Variants in ZNF821 observed in about 807,000 individuals in gnomAD.
The protein encoded by ZNF821 is zinc finger protein 821.
Under a neutral mutation model 44.3 loss-of-function variants are expected in ZNF821, and 16 were observed. The observed-to-expected ratio is 0.36, with a 90% confidence interval of 0.24 to 0.55. ZNF821 has a LOEUF of 0.55. Ranked by LOEUF, ZNF821 falls within the 20% of genes least tolerant of loss-of-function variation. The pLI is 0.86. For missense variants in ZNF821, 436 were observed against 547.6 expected (o/e 0.80, Z 2.03); for synonymous variants, 204 against 197.6 (o/e 1.03, Z -0.27).
At chr16:71,886,147 A>G (rs981773890), upstream of ZNF821, among the ~76,000 whole-genome samples, 15 of 152,382 alleles carry the variant, frequency 9.8e-5, no homozygotes, top group African/African-American at 3.6e-4. Flanking sequence ...AGATGATAAT[A>G]ATGCTATTCT....
intron 3 of ZNF821, among the ~76,000 whole-genome samples, chr16:71,874,745 C>T (rs1367406410): frequency 3.9e-5 from 6 of 152,154 alleles, no homozygotes; most frequent in African/African-American, 7.2e-5. Context: ...TGAGCCACCA[C>T]GCTAGGCCCC....
intron 2 of ZNF821, chr16:71,881,258 A>G (rs1487535703): frequency 3.9e-5 from 6 of 152,200 alleles, no homozygotes; most frequent in Non-Finnish European, 8.8e-5. Context: ...TATGCCAACT[A>G]ACTCCTCTAT....
rs774606922 is a variant in ZNF821, at chr16:71,860,335, G to A, written c.922C>T (p.Arg308Cys). Residue 308 changes from arginine (R) to cysteine (C), a missense_variant, in exon 8 of 8, where the codon CGC becomes TGC. Physicochemically the swap from Arg to Cys is radical, Grantham distance 180. Around this residue, in one of 5 missense-constraint regions of ZNF821, gnomAD observed 72 missense variants for 133.3 expected, o/e 0.54. Transcript: ENST00000425432. The surrounding 1 kb of genome is among the most constrained non-coding windows in gnomAD (Gnocchi z 7.3). ...CGCTGCTCGTCTGTCTCCTGCATGC[G>A]CTGCAAGCGCTTGGCTTCACGGTCC... ...MRDREAKRLQ[R>C]MQETDEQRAR... 1.2e-6 allele frequency: 2 copies of A among 1,611,832 alleles called. No homozygotes were observed. Among genetic ancestry groups the A allele is most frequent in the South Asian group, 1.1e-5 (1 of 91,066 alleles).
At chr16:71,895,038 G>T (rs1286936271) in exon 1 of ZNF821, 1 of 498,378 alleles carries the variant, frequency 2.0e-6, no homozygotes, top group Non-Finnish European at 3.6e-6. Context: ...AGAGGGACAC[G>T]GAGGCGCTGG....
intron 5 of ZNF821, 77 bp from the exon 6 acceptor site, chr16:71,864,319 T>A: frequency 1.5e-6 from 2 of 1,332,240 alleles, no homozygotes; most frequent in South Asian, 2.4e-5. Flanking sequence ...AAACAGGGTA[T>A]CCTGTTAAAA....
chr16:71,881,875 GC>G (rs2036453252), intron 2 of ZNF821: 1 of 152,382 alleles, frequency 6.6e-6, no homozygotes, highest in Non-Finnish European at 1.5e-5. Context: ...GGAAGCTGAG[GC>G]ATGAGAATCG....
At chr16:71,864,001 C>A in intron 6 of ZNF821, 137 bp downstream of exon 6, 2 of 778,540 alleles carry the variant, frequency 2.6e-6, no homozygotes, top group Non-Finnish European at 4.3e-6. Context: ...CCCAGCCTCC[C>A]TAAGACGAAT....
intron 3 of ZNF821, among the ~76,000 whole-genome samples, chr16:71,870,282 T>C (rs955870381): frequency 1.3e-5 from 2 of 151,550 alleles, no homozygotes; most frequent in African/African-American, 4.9e-5. Context: ...TACATATCCC[T>C]CAAGGAAAGG....
chr16:71,878,113 CTTTTT>C (rs59096817), intron 3 of ZNF821, among the ~76,000 whole-genome samples: 8 of 121,728 alleles, frequency 6.6e-5, no homozygotes, highest in Admixed American at 8.5e-5. Flanking sequence ...AACTATTTGT[CTTTTT>C]TTTTTTTTTT....
chr16:71,877,858 T>C (rs567354920), intron 3 of ZNF821, among the ~76,000 whole-genome samples: 8 of 150,618 alleles, frequency 5.3e-5, no homozygotes, highest in Admixed American at 4.0e-4. Context: ...AGGTCGAGGT[T>C]GCAGTGAGCT....
rs1466826040 is a variant in ZNF821 at position 71,868,048 on chromosome 16, C to T, written c.41-11G>A. 1 of 1,532,850 alleles carries T rather than the reference C, an allele frequency of 6.5e-7. No individual in the cohort carries two copies. The highest frequency in any genetic ancestry group is 2.4e-5 in the East Asian group (1 of 40,872). 95.0% of individuals were successfully genotyped at this position (1,532,850 alleles called of 1,614,324 possible). A position where few individuals can be genotyped will look rare whatever the true frequency, so the allele number is the denominator to read the frequency against. ...CAAATACTTGATCCCCTGGTGGTCA[C>T]AAGGAAAAATAGTCAGGCCACCAGC... On this transcript the variant is annotated splice_polypyrimidine_tract_variant and intron_variant, in intron 3 of 7. Transcript: ENST00000425432.
In ZNF821 at chr16:71,860,760, A is replaced by G. The variant is rs2033763501; in HGVS notation, c.585-88T>C. On this transcript the variant is annotated intron_variant, in intron 7 of 7. Transcript: ENST00000425432. This position sits in a 1 kb window ranked among gnomAD's most constrained non-coding sequence, Gnocchi z 7.3. The stretch of plus-strand genomic sequence containing the variant: ...TGCCTTATTCTTTTCCTATGAGGCC[A>G]GTGGCTCCACGCTCACCACAAGGGG... 1.9e-5 allele frequency: 26 copies of G among 1,367,906 alleles called. No individual in the cohort carries two copies. The highest frequency in any genetic ancestry group is 2.5e-5 in the Non-Finnish European group (25 of 1,010,870). The allele number at this position is 1,367,906 out of a possible 1,614,324, so 84.7% of individuals were successfully genotyped here.
chr16:71,873,527 T>G (rs1355689499), intron 3 of ZNF821, among the ~76,000 whole-genome samples: 2 of 152,190 alleles, frequency 1.3e-5, no homozygotes, highest in Non-Finnish European at 2.9e-5. Flanking sequence ...GAAAGGATCA[T>G]GCCAGTGATT....
upstream of ZNF821, among the ~76,000 whole-genome samples, chr16:71,889,479 C>G (rs2036874483): frequency 6.6e-6 from 1 of 152,056 alleles, no homozygotes; most frequent in Admixed American, 6.6e-5. Context: ...TCAAGACCAG[C>G]CTGGCCAACA....
At chr16:71,879,177 G>C (rs1465796694) in intron 3 of ZNF821, among the ~76,000 whole-genome samples, 2 of 152,226 alleles carry the variant, frequency 1.3e-5, no homozygotes, top group East Asian at 3.9e-4. Context: ...CACGTGTAGA[G>C]TTAAGCATCT....
intron 3 of ZNF821, among the ~76,000 whole-genome samples, chr16:71,879,260 A>G (rs2036176999): frequency 6.6e-6 from 1 of 152,102 alleles, no homozygotes; most frequent in African/African-American, 2.4e-5. Flanking sequence ...TCCTCTGAAC[A>G]TGTGGATTCC....
chr16:71,861,347 GACC>G (rs2033865899), intron 7 of ZNF821, among the ~76,000 whole-genome samples: 1 of 152,198 alleles, frequency 6.6e-6, no homozygotes, highest in Non-Finnish European at 1.5e-5. Context: ...GCAAGGTGCA[GACC>G]ACCAACTCAC....
At chr16:71,881,049 A>G (rs1194356294) in intron 2 of ZNF821, among the ~76,000 whole-genome samples, 1 of 152,196 alleles carries the variant, frequency 6.6e-6, no homozygotes, top group Non-Finnish European at 1.5e-5. Context: ...CATAGAATAA[A>G]AAGGGATTGT....
intron 2 of ZNF821, among the ~76,000 whole-genome samples, chr16:71,880,924 C>T (rs541914794): frequency 6.6e-6 from 1 of 152,302 alleles, no homozygotes; most frequent in Admixed American, 6.5e-5. Context: ...ATACGTAAGC[C>T]TGAAGGTTCC....
Sources: allele counts gnomAD v4.1 joint callset (sites outside exome capture counted in the v4.1 genomes callset), GRCh38; gene constraint gnomAD v4.1.1; regional missense constraint gnomAD v4.1.1; non-coding constraint Gnocchi (gnomAD v3.1); transcripts MANE v1.5; gene names NCBI Gene and HGNC (gene_info 2026-07-23, HGNC 2026-07-21).